The following MAOA variants were observed in gnomAD, a reference collection of about 807,000 sequenced individuals.
MAOA encodes the protein monoamine oxidase A.
MAOA carries 6 observed loss-of-function variants against 42.0 expected under a neutral mutation model. The ratio of observed to expected loss-of-function variants is 0.14; its 90% CI spans 0.08 to 0.28. The LOEUF is 0.28. MAOA is among the 10% of genes least tolerant of loss of function. The pLI, the probability that MAOA is intolerant of heterozygous loss-of-function variation, is 1.00. For synonymous variants in MAOA, 140 were observed against 154.0 expected, an observed-to-expected ratio of 0.91 and a Z score of 0.67; for missense variants, 262 against 422.3, an observed-to-expected ratio of 0.62 and a Z score of 3.33.
upstream of MAOA, chrX:43,656,169 C>T (rs2033177027): frequency 2.2e-6 from 1 of 463,970 alleles, no homozygotes; most frequent in African/African-American, 2.4e-5. Flanking sequence ...CTGGGCGCTC[C>T]CGGAGTATCA....
At chrX:43,659,302 A>G (rs1413946542) in intron 1 of MAOA, among the ~76,000 whole-genome samples, 1 of 111,704 alleles carries the variant, frequency 9.0e-6, no homozygotes, top group East Asian at 2.8e-4. Flanking sequence ...TTAATAGTTG[A>G]GAGGGGAAAT....
At chrX:43,671,562 T>G (rs1189229883) in intron 1 of MAOA, among the ~76,000 whole-genome samples, 1 of 107,804 alleles carries the variant, frequency 9.3e-6, no homozygotes, top group African/African-American at 3.4e-5. Context: ...CTTCTAGGGT[T>G]TTTATGGTTT....
At chrX:43,662,537 C>A (rs1443218595) in intron 1 of MAOA, among the ~76,000 whole-genome samples, 2 of 111,213 alleles carry the variant, frequency 1.8e-5, no homozygotes, top group African/African-American at 6.5e-5. Context: ...GCATACATTA[C>A]AGAGACCAAT....
At chrX:43,726,371 C>T (rs1353019200) in intron 5 of MAOA, among the ~76,000 whole-genome samples, 1 of 111,607 alleles carries the variant, frequency 9.0e-6, no homozygotes, top group Non-Finnish European at 1.9e-5. Flanking sequence ...TTGTTTGTTT[C>T]TTTTCACTCT....
At chrX:43,728,034 C>A in intron 5 of MAOA, 139 bp from the exon 6 acceptor site, 1 of 608,158 alleles carries the variant, frequency 1.6e-6, no homozygotes, top group Non-Finnish European at 2.8e-6. Flanking sequence ...TGCATTCCTT[C>A]AGAAATTGAA....
At chrX:43,691,672 A>G (rs1030755809) in intron 2 of MAOA, among the ~76,000 whole-genome samples, 12 of 111,785 alleles carry the variant, frequency 1.1e-4, no homozygotes, top group African/African-American at 3.6e-4. Context: ...GTAATGTTCA[A>G]AGAATGGATC....
intron 1 of MAOA, among the ~76,000 whole-genome samples, chrX:43,672,346 G>C (rs1363923614): frequency 1.8e-5 from 2 of 110,905 alleles, no homozygotes; most frequent in Non-Finnish European, 3.8e-5. Flanking sequence ...ATTTTGGGCT[G>C]AGACAATGGG....
rs983142490 is a variant in MAOA at position 43,746,801 on chromosome X, T to C, written c.*2288T>C. 2 of 112,052 alleles carry C rather than the reference T, an allele frequency of 1.8e-5. No homozygotes were observed. The highest frequency in any genetic ancestry group is 3.8e-5 in the Non-Finnish European group (2 of 53,259). 9.2% of individuals were successfully genotyped at this position (112,052 alleles called of 1,213,427 possible). A position where few individuals can be genotyped will look rare whatever the true frequency, so the allele number is the denominator to read the frequency against. On this transcript the variant is annotated 3_prime_UTR_variant, in exon 15 of 15. Transcript: ENST00000338702. ...GGTACTGTTTTGTTTGTTAATAAAG[T>C]GCACTGCCACCCCCAATGCAGACTC...
In MAOA at chrX:43,733,019, T is replaced by C. The variant is rs1320215616; in HGVS notation, c.1052+224T>C. ...TGACACCATTTTGAACTTGTACCCA[T>C]GTATGTCTTTCTCTCATACAAAGCT... is the stretch of plus-strand genomic sequence containing the variant. On this transcript the variant is annotated intron_variant, in intron 9 of 14. Coordinates refer to ENST00000338702, the MANE Select transcript of MAOA (RefSeq NM_000240.4). Among the ~76,000 whole-genome samples, 7 of 112,335 alleles carry C rather than the reference T, an allele frequency of 6.2e-5. No individual in the cohort carries two copies. The East Asian group carries it at 2.0e-3, about 31-fold the overall frequency.
At chrX:43,742,994 A>G (rs1490388383) in intron 12 of MAOA, among the ~76,000 whole-genome samples, 1 of 111,219 alleles carries the variant, frequency 9.0e-6, no homozygotes, top group African/African-American at 3.3e-5. Flanking sequence ...GTAGAAGTCT[A>G]GAAGACAAGA....
rs1326211075 is a variant in MAOA at position 43,717,427 on chromosome X, G to A, written c.503+4631G>A. Among the ~76,000 whole-genome samples the A allele has an allele frequency of 9.8e-5, 11 of 111,904 alleles. No homozygotes were observed. In the East Asian group the frequency reaches 3.1e-3, roughly 32 times the overall value. ...GGAATAGGGGAGAGACAGGAAGCCT[G>A]ACTGGTGTGGCAGGGTATATTTTCT... On this transcript the variant is annotated intron_variant, in intron 5 of 14. Coordinates refer to ENST00000338702, the MANE Select transcript of MAOA (RefSeq NM_000240.4).
At chrX:43,701,846 T>C (rs2033627126) in intron 3 of MAOA, among the ~76,000 whole-genome samples, 1 of 112,199 alleles carries the variant, frequency 8.9e-6, no homozygotes, top group Admixed American at 9.5e-5. Flanking sequence ...CTGGAGGTTC[T>C]GACCTTTCAG....
At chrX:43,709,035 AT>A (rs1173410672) in intron 3 of MAOA, among the ~76,000 whole-genome samples, 1 of 109,655 alleles carries the variant, frequency 9.1e-6, no homozygotes, top group Non-Finnish European at 1.9e-5. Context: ...TAATTTTCGT[AT>A]TTTTTTAAGT....
At chrX:43,726,981 T>C (rs960588420) in intron 5 of MAOA, among the ~76,000 whole-genome samples, 8 of 111,725 alleles carry the variant, frequency 7.2e-5, no homozygotes, top group Non-Finnish European at 1.3e-4. Context: ...CAGATGCTGT[T>C]TGCTGGGGTA....
At chrX:43,712,541 C>T (rs1389869162) in intron 4 of MAOA, among the ~76,000 whole-genome samples, 164 bp from the exon 5 acceptor site, 3 of 111,259 alleles carry the variant, frequency 2.7e-5, no homozygotes, top group Non-Finnish European at 5.7e-5. Flanking sequence ...ACACAGAATC[C>T]AAAGAACTCT....
At chrX:43,657,825 A>G (rs1236610674) in intron 1 of MAOA, 24 of 567,195 alleles carry the variant, frequency 4.2e-5, no homozygotes, top group Non-Finnish European at 4.9e-5. Flanking sequence ...GGGTAGAGAT[A>G]GCTTTATCTG....
chrX:43,681,357 A>G (rs773075272), intron 1 of MAOA, among the ~76,000 whole-genome samples: 72 of 111,149 alleles, frequency 6.5e-4, no homozygotes, highest in African/African-American at 2.3e-3. Context: ...CAGGGTTACT[A>G]CTTCATCTCA....
chrX:43,735,232 A>G, intron 9 of MAOA, among the ~76,000 whole-genome samples: 1 of 112,056 alleles, frequency 8.9e-6, no homozygotes, highest in Non-Finnish European at 1.9e-5. Flanking sequence ...GCACTGATCT[A>G]CCTGTCCTTT....
chrX:43,662,325 A>G (rs1331497859), intron 1 of MAOA, among the ~76,000 whole-genome samples: 1 of 111,539 alleles, frequency 9.0e-6, no homozygotes, highest in Non-Finnish European at 1.9e-5. Flanking sequence ...TTTAAATACT[A>G]AACAAAGAAT....
Sources: gnomAD v4.1 joint callset for allele counts (sites outside exome capture counted in the v4.1 genomes callset) on GRCh38, gnomAD v4.1.1 for gene constraint, MANE v1.5 for transcripts, NCBI Gene and HGNC (gene_info 2026-07-23, HGNC 2026-07-21) for gene names.